Variants in PDE9A observed in about 807,000 individuals in gnomAD.
PDE9A encodes phosphodiesterase 9A.
A neutral mutation model predicts 87.4 loss-of-function variants in PDE9A; 60 were observed. The ratio of observed to expected loss-of-function variants is 0.69; its 90% confidence interval spans 0.56 to 0.85. PDE9A has a LOEUF of 0.85. Among genes scored for constraint, PDE9A ranks in the 40% least tolerant of loss-of-function variants. The pLI is 0.00. For synonymous variants in PDE9A, 272 were observed against 279.4 expected (o/e 0.97, Z 0.27); for missense variants, 665 against 779.0 (o/e 0.85, Z 1.74).
chr21:42,733,277 G>T, intron 6 of PDE9A, 79 bp from the exon 7 acceptor site: 1 of 813,674 alleles, frequency 1.2e-6, no homozygotes. Context: ...CAGGGACTCA[G>T]TAGGTGTTTG....
intron 1 of PDE9A, among the ~76,000 whole-genome samples, chr21:42,654,339 G>C (rs760535211): frequency 2.2e-4 from 33 of 152,084 alleles, no homozygotes; most frequent in Non-Finnish European, 4.1e-4. Flanking sequence ...TGCAGAGGGG[G>C]ACTCGGGCCG....
intron 19 of PDE9A, among the ~76,000 whole-genome samples, chr21:42,773,351 TATAAG>T (rs1298768204): frequency 5.3e-5 from 8 of 152,112 alleles, no homozygotes; most frequent in East Asian, 1.9e-4. Flanking sequence ...ATGTATCACT[TATAAG>T]AGTAAGTACT....
At chr21:42,735,282 G>A (rs1257901286) in intron 7 of PDE9A, among the ~76,000 whole-genome samples, 1 of 152,172 alleles carries the variant, frequency 6.6e-6, no homozygotes, top group Non-Finnish European at 1.5e-5. Flanking sequence ...CAGATATCAG[G>A]CTGCTTCTCC....
Position 42,712,613 on chromosome 21 carries a change from G to A in PDE9A, c.262+13602G>A, listed in dbSNP as rs541080071. Among the ~76,000 whole-genome samples, 12 of 152,256 alleles carry A rather than the reference G, an allele frequency of 7.9e-5. No homozygotes were observed. In the South Asian group the frequency reaches 1.7e-3, roughly 21 times the overall value. ...TCCCAATCTTAGAGGAGATGCCTTCGGTCTCTCACCATTACATACGATGTT... is the reference window on the plus strand; with the variant it reads ...TCCCAATCTTAGAGGAGATGCCTTCAGTCTCTCACCATTACATACGATGTT... On this transcript the variant is annotated intron_variant, in intron 4 of 19. Coordinates refer to ENST00000291539, the MANE Select transcript of PDE9A (RefSeq NM_002606.3).
intron 1 of PDE9A, among the ~76,000 whole-genome samples, chr21:42,662,284 C>G (rs576196727): frequency 1.1e-3 from 165 of 152,132 alleles, no homozygotes; most frequent in Non-Finnish European, 2.0e-3. Flanking sequence ...AGCACGGTGC[C>G]GTGTCCGGGC....
intron 13 of PDE9A, among the ~76,000 whole-genome samples, chr21:42,761,637 C>T (rs868234853): frequency 2.0e-5 from 3 of 152,182 alleles, no homozygotes; most frequent in African/African-American, 7.2e-5. Flanking sequence ...GCGCTCCTCC[C>T]GGGGCCATCA....
At chr21:42,768,817 T>G in intron 16 of PDE9A, 1 of 985,428 alleles carries the variant, frequency 1.0e-6, no homozygotes, top group Non-Finnish European at 1.2e-6. Context: ...TGCCTATCTC[T>G]CAGGTCGGTC....
intron 9 of PDE9A, 87 bp from the exon 10 acceptor site, chr21:42,753,903 G>T (rs577762849): frequency 6.0e-6 from 4 of 667,596 alleles, no homozygotes; most frequent in East Asian, 2.9e-5. Flanking sequence ...GAAAGAGAAC[G>T]GGAGAAAGAG....
intron 1 of PDE9A, among the ~76,000 whole-genome samples, chr21:42,658,468 G>A (rs975926077): frequency 5.3e-5 from 8 of 152,212 alleles, no homozygotes; most frequent in Non-Finnish European, 1.0e-4. Flanking sequence ...TTAGCATGGT[G>A]GGGCCTTAAG....
At chr21:42,708,140 A>G (rs753576762) in intron 4 of PDE9A, among the ~76,000 whole-genome samples, 9 of 152,210 alleles carry the variant, frequency 5.9e-5, no homozygotes, top group Non-Finnish European at 1.0e-4. Flanking sequence ...AAGGCTTTAT[A>G]AGCAAAGCCA....
chr21:42,753,017 T>TA (rs60548525), intron 9 of PDE9A, among the ~76,000 whole-genome samples: 1 of 147,596 alleles, frequency 6.8e-6, no homozygotes, highest in Non-Finnish European at 1.5e-5. Context: ...TTTTTTATTA[T>TA]TATTTTTGAG....
chr21:42,775,018 T>C (rs1266388149), intron 19 of PDE9A, among the ~76,000 whole-genome samples: 1 of 151,062 alleles, frequency 6.6e-6, no homozygotes, highest in Non-Finnish European at 1.5e-5. Flanking sequence ...CTCGGCTCAC[T>C]GCAATCTCCA....
Position 42,760,301 on chromosome 21 carries a change from G to A in PDE9A, c.898-27G>A. On this transcript the variant is annotated intron_variant, in intron 11 of 19. Coordinates refer to ENST00000291539, the MANE Select transcript of PDE9A (RefSeq NM_002606.3). The surrounding 1 kb of genome is among the most constrained non-coding windows in gnomAD (Gnocchi z 5.2). The stretch of plus-strand genomic sequence containing the variant: ...AGAGGTGGGCGGGCCCAGGCACAGG[G>A]TGACTCGGACCCCCTGCCTCCCGCA... 7.1e-7 allele frequency: 1 copy of A among 1,418,360 alleles called. No homozygotes were observed. The highest frequency in any genetic ancestry group is 9.9e-7 in the Non-Finnish European group (1 of 1,007,056). The allele number at this position is 1,418,360 out of a possible 1,614,324, so 87.9% of individuals were successfully genotyped here. A position where few individuals can be genotyped will look rare whatever the true frequency, so the allele number is the denominator to read the frequency against.
chr21:42,670,112 TAC>T (rs764590935), intron 1 of PDE9A, among the ~76,000 whole-genome samples: 15 of 151,688 alleles, frequency 9.9e-5, no homozygotes, highest in African/African-American at 2.9e-4. Flanking sequence ...CACATATGCT[TAC>T]ACACATTCAC....
At chr21:42,720,420 G>T (rs1299579547) in intron 4 of PDE9A, among the ~76,000 whole-genome samples, 6 of 152,096 alleles carry the variant, frequency 3.9e-5, no homozygotes, top group Admixed American at 3.9e-4. Context: ...CTTGAACCTG[G>T]GAGGCGGAGG....
chr21:42,695,095 C>T lies in PDE9A; in HGVS notation c.219-3873C>T, dbSNP rs758950450. On this transcript the variant is annotated intron_variant, in intron 3 of 19. Coordinates refer to ENST00000291539, the MANE Select transcript of PDE9A (RefSeq NM_002606.3). The surrounding 1 kb of genome is among the most constrained non-coding windows in gnomAD (Gnocchi z 4.3). Reference sequence around the variant, plus strand: ...GGTGCAATCTGGAGCACGCTCAAGCCGGCATTTGAAATAACCTGGAACACG... The same window carrying T: ...GGTGCAATCTGGAGCACGCTCAAGCTGGCATTTGAAATAACCTGGAACACG... 2.6e-5 allele frequency among the ~76,000 whole-genome samples: 4 copies of T among 152,148 alleles called. No homozygotes were observed. Among genetic ancestry groups the T allele is most frequent in the African/African-American group, 9.7e-5 (4 of 41,430 alleles).
intron 19 of PDE9A, among the ~76,000 whole-genome samples, chr21:42,774,066 G>A (rs1029685606): frequency 6.6e-5 from 10 of 152,204 alleles, no homozygotes; most frequent in Middle Eastern, 3.4e-3. Context: ...GTGACAGAGC[G>A]AGACTCTGTC....
At chr21:42,769,986 C>T (rs1018394738) in intron 17 of PDE9A, among the ~76,000 whole-genome samples, 29 of 152,192 alleles carry the variant, frequency 1.9e-4, no homozygotes, top group Non-Finnish European at 1.8e-4. Context: ...TGCCGGCCTT[C>T]AGGACCCTGG....
chr21:42,663,217 AC>A (rs1394565982), intron 1 of PDE9A, among the ~76,000 whole-genome samples: 2 of 150,182 alleles, frequency 1.3e-5, no homozygotes, highest in Non-Finnish European at 3.0e-5. Context: ...ACATGCACGC[AC>A]CTACCACACA....
Sources: gnomAD v4.1 joint callset for allele counts (sites outside exome capture counted in the v4.1 genomes callset) on GRCh38, gnomAD v4.1.1 for gene constraint, Gnocchi (gnomAD v3.1) non-coding constraint, MANE v1.5 for transcripts, NCBI Gene and HGNC (gene_info 2026-07-23, HGNC 2026-07-21) for gene names.